Variants in SIGLEC15 observed in about 807,000 individuals in gnomAD.
The protein encoded by SIGLEC15 is sialic acid binding Ig like lectin 15, also known as sialic acid-binding Ig-like lectin 15.
SIGLEC15 carries 31 observed loss-of-function variants against 26.2 expected under a neutral mutation model. The ratio of observed to expected loss-of-function variants is 1.18; its 90% CI spans 0.89 to 1.60. The LOEUF (loss-of-function observed/expected upper bound fraction) is 1.60, where lower values mean the gene tolerates loss of function less well. Among genes scored for constraint, SIGLEC15 ranks in the 40% most tolerant of loss-of-function variants. The pLI is 0.00. For synonymous variants in SIGLEC15, 207 were observed against 221.9 expected, an observed-to-expected ratio of 0.93 and a Z score of 0.60; for missense variants, 501 against 488.4, an observed-to-expected ratio of 1.03 and a Z score of -0.24.
chr18:45,828,701 G>T (rs2048206687), intron 1 of SIGLEC15, among the ~76,000 whole-genome samples: 1 of 152,230 alleles, frequency 6.6e-6, no homozygotes, highest in African/African-American at 2.4e-5. Context: ...GGAAGCAGAG[G>T]CTTCTGAGTG....
chr18:45,826,115 C>T (rs1207551490), intron 1 of SIGLEC15, among the ~76,000 whole-genome samples: 5 of 152,128 alleles, frequency 3.3e-5, no homozygotes, highest in Admixed American at 1.3e-4. Context: ...GAACAAGCTT[C>T]TTGTGCTGCT....
In SIGLEC15 at chr18:45,843,246, C is replaced by T. The variant is rs1344798396; in HGVS notation, c.*1059C>T. The T allele has an allele frequency of 6.6e-6, 1 of 152,420 alleles. No individual in the cohort carries two copies. Among genetic ancestry groups the T allele is most frequent in the Non-Finnish European group, 1.5e-5 (1 of 68,180 alleles). 9.4% of individuals were successfully genotyped at this position (152,420 alleles called of 1,614,324 possible). A position where few individuals can be genotyped will look rare whatever the true frequency, so the allele number is the denominator to read the frequency against. Reference sequence around the variant, plus strand: ...CCAAACGCACTGGCAACTTCACCCCCTTTGCCCTAACGCGGGCAGGCTGAC... The same window carrying T: ...CCAAACGCACTGGCAACTTCACCCCTTTTGCCCTAACGCGGGCAGGCTGAC... On this transcript the variant is annotated 3_prime_UTR_variant, in exon 6 of 6. Transcript: ENST00000389474.
intron 4 of SIGLEC15, 133 bp downstream of exon 4, chr18:45,839,228 C>T: frequency 8.2e-7 from 1 of 1,224,612 alleles, no homozygotes; most frequent in Non-Finnish European, 1.0e-6. Context: ...GTGGCGCTTT[C>T]CTCTCTTTGC....
rs755749128 is a variant in SIGLEC15 at position 45,838,998 on chromosome 18, C to G, written c.777C>G (p.Ser259Arg). 49 of 1,596,176 alleles carry G rather than the reference C, an allele frequency of 3.1e-5. 1 individual carries two copies. Among genetic ancestry groups the G allele is most frequent in the Non-Finnish European group, 4.1e-5 (48 of 1,176,346 alleles). ...ACCTGTTCCGCTTCCATGGCGCCAG[C>G]GGGGCCTCGACGGTCGCCCTCCTGC... ...SVYLFRFHGA[S>R]GASTVALLLG... The change falls in exon 4 of 6, where the codon AGC becomes AGG. Residue 259 changes from serine to arginine, a missense_variant. Physicochemically the swap from Ser to Arg is moderately radical, Grantham distance 110 (BLOSUM62 -1). Transcript: ENST00000389474.
chr18:45,832,074 A>T (rs2145043063), intron 1 of SIGLEC15, among the ~76,000 whole-genome samples: 1 of 152,232 alleles, frequency 6.6e-6, no homozygotes, highest in African/African-American at 2.4e-5. Context: ...GCACTTTCCC[A>T]CCACCCTCTG....
intron 1 of SIGLEC15, among the ~76,000 whole-genome samples, chr18:45,827,953 C>A (rs113185724): frequency 6.6e-6 from 1 of 152,228 alleles, no homozygotes; most frequent in African/African-American, 2.4e-5. Flanking sequence ...CCAAGCCACT[C>A]GCGTGAGCCG....
intron 1 of SIGLEC15, among the ~76,000 whole-genome samples, chr18:45,828,333 C>G (rs1229160562): frequency 6.6e-6 from 1 of 152,204 alleles, no homozygotes; most frequent in African/African-American, 2.4e-5. Flanking sequence ...CCCCCATACT[C>G]GACACCCAGT....
rs1168444458 is a variant in SIGLEC15, at chr18:45,837,184, G to A, written c.112+96G>A. On this transcript the variant is annotated intron_variant, in intron 2 of 5. Coordinates refer to ENST00000389474, the MANE Select transcript of SIGLEC15 (RefSeq NM_213602.3). Reference sequence around the variant, plus strand: ...TTTTCCACAGGGCAGGTTTTGATGGGGAAAAACTAAGGGTAAGAATATGGG... The same window carrying A: ...TTTTCCACAGGGCAGGTTTTGATGGAGAAAAACTAAGGGTAAGAATATGGG... The A allele has an allele frequency of 1.9e-6, 3 of 1,546,478 alleles. No individual in the cohort carries two copies. The African/African-American group carries it at 4.1e-5, about 21-fold the overall frequency.
At chr18:45,841,264 C>T (rs945574087) in intron 5 of SIGLEC15, among the ~76,000 whole-genome samples, 4 of 151,816 alleles carry the variant, frequency 2.6e-5, no homozygotes, top group Non-Finnish European at 5.9e-5. Flanking sequence ...CAGGTAGGAG[C>T]GGTGGAGTTC....
Position 45,838,819 on chromosome 18 carries a change from T to TCCGGCCCGGC in SIGLEC15, c.601_610dup (p.Leu204ArgfsTer16), listed in dbSNP as rs1485737612. The TCCGGCCCGGC allele has an allele frequency of 1.3e-6, 2 of 1,560,424 alleles. No individual in the cohort carries two copies. Among genetic ancestry groups the TCCGGCCCGGC allele is most frequent in the East Asian group, 2.4e-5 (1 of 42,390 alleles). ...GGAGCCGCCGCCCGCCCTCGCCTGG[T>TCCGGCCCGGC]CCGGCCCGGCCCTGGGCAACAGCTT... On this transcript the variant is annotated frameshift_variant, in exon 4 of 6. Transcript: ENST00000389474. LOFTEE classifies it high-confidence loss of function.
At chr18:45,829,204 G>A (rs1048133016) in intron 1 of SIGLEC15, 19 of 953,426 alleles carry the variant, frequency 2.0e-5, no homozygotes, top group African/African-American at 1.2e-4. Flanking sequence ...CCACACCCAC[G>A]CCACAGTCAG....
At chr18:45,840,358 T>G (rs952360131) in intron 5 of SIGLEC15, 117 bp downstream of exon 5, 6 of 1,199,496 alleles carry the variant, frequency 5.0e-6, no homozygotes, top group Non-Finnish European at 7.0e-6. Context: ...GGTCCTACTT[T>G]GACCAGGGGC....
chr18:45,826,962 T>C (rs1230596619), intron 1 of SIGLEC15, among the ~76,000 whole-genome samples: 1 of 152,210 alleles, frequency 6.6e-6, no homozygotes, highest in Non-Finnish European at 1.5e-5. Flanking sequence ...TCACCCAGGC[T>C]GGAGTGCAGT....
In SIGLEC15 at chr18:45,842,340, G is replaced by A. The variant is rs1384409430; in HGVS notation, c.*153G>A. 6.9e-6 allele frequency: 5 copies of A among 722,742 alleles called. No homozygotes were observed. The highest frequency in any genetic ancestry group is 1.8e-5 in the African/African-American group (1 of 56,072). The allele number at this position is 722,742 out of a possible 1,614,324, so 44.8% of individuals were successfully genotyped here. Reference sequence around the variant, plus strand: ...TGCTCAAGGTCAAGACCCTGCTCAAGGAGGCTCATCTGGCCTCCTATGTGG... The same window carrying A: ...TGCTCAAGGTCAAGACCCTGCTCAAAGAGGCTCATCTGGCCTCCTATGTGG... On this transcript the variant is annotated 3_prime_UTR_variant, in exon 6 of 6. Coordinates refer to ENST00000389474, the MANE Select transcript of SIGLEC15 (RefSeq NM_213602.3).
chr18:45,830,063 C>T (rs374880209), intron 1 of SIGLEC15, among the ~76,000 whole-genome samples: 2 of 152,076 alleles, frequency 1.3e-5, no homozygotes. Context: ...ACCCGTGCTC[C>T]GCCATGAAAC....
Position 45,833,737 on chromosome 18 carries a change from A to G in SIGLEC15, c.53-3292A>G, listed in dbSNP as rs1026865440. 5.7e-4 allele frequency among the ~76,000 whole-genome samples: 87 copies of G among 152,332 alleles called. 2 individuals are homozygous for G. The highest frequency in any genetic ancestry group is 1.2e-4 in the Non-Finnish European group (8 of 68,026). On this transcript the variant is annotated intron_variant, in intron 1 of 5. Transcript: ENST00000389474. ...TGTCATTATTGTTGCTGTTGCTGTT[A>G]GTTCATAAACTAAAATTTCTATAAA...
At chr18:45,838,380 C>T (rs768166455) in intron 3 of SIGLEC15, 4 of 425,482 alleles carry the variant, frequency 9.4e-6, no homozygotes, top group Non-Finnish European at 1.2e-5. Context: ...AGTGGCTCTC[C>T]ACTCTAGCCC....
chr18:45,827,207 T>C (rs572330247), intron 1 of SIGLEC15, among the ~76,000 whole-genome samples: 3 of 152,292 alleles, frequency 2.0e-5, no homozygotes, highest in African/African-American at 4.8e-5. Context: ...TGAGCCACCA[T>C]GCCCGGCAGA....
intron 3 of SIGLEC15, 45 bp from the exon 4 acceptor site, chr18:45,838,673 G>A: frequency 6.6e-7 from 1 of 1,507,128 alleles, no homozygotes; most frequent in East Asian, 2.4e-5. Flanking sequence ...AAAGGGCTAA[G>A]GGGAGGGGTG....
Sources: allele counts gnomAD v4.1 joint callset (sites outside exome capture counted in the v4.1 genomes callset), GRCh38; gene constraint gnomAD v4.1.1; transcripts MANE v1.5; gene names NCBI Gene and HGNC (gene_info 2026-07-23, HGNC 2026-07-21).